The following OTUD7A variants were observed in gnomAD, a reference collection of about 807,000 sequenced individuals.
OTUD7A encodes the protein OTU domain-containing protein 7A.
A neutral mutation model predicts 65.7 loss-of-function variants in OTUD7A; 12 were observed. The ratio of observed to expected loss-of-function variants is 0.18; its 90% CI spans 0.12 to 0.30. OTUD7A has a LOEUF of 0.30. Ranked by LOEUF, OTUD7A falls within the 10% of genes least tolerant of loss-of-function variation. OTUD7A has a pLI of 1.00. For synonymous variants in OTUD7A, 641 were observed against 586.3 expected (o/e 1.09, Z -1.35); for missense variants, 1,148 against 1,304.8 (o/e 0.88, Z 1.85).
At chr15:31,843,987 A>G (rs1361329051) in intron 1 of OTUD7A, among the ~76,000 whole-genome samples, 1 of 152,230 alleles carries the variant, frequency 6.6e-6, no homozygotes, top group African/African-American at 2.4e-5. Context: ...CACACCTTCA[A>G]GTTTTCCAAT....
intron 5 of OTUD7A, among the ~76,000 whole-genome samples, chr15:31,533,015 C>G (rs1407104761): frequency 7.1e-6 from 1 of 141,320 alleles, no homozygotes; most frequent in Admixed American, 7.0e-5. Flanking sequence ...AATGAACAAA[C>G]AAACATACAG....
At chr15:31,682,926 T>C (rs1268477320) in intron 1 of OTUD7A, among the ~76,000 whole-genome samples, 2 of 152,244 alleles carry the variant, frequency 1.3e-5, no homozygotes, top group African/African-American at 4.8e-5. Context: ...TAACTGTGTG[T>C]GACTGTGCGT....
intron 3 of OTUD7A, among the ~76,000 whole-genome samples, chr15:31,627,362 T>C (rs930458485): frequency 1.4e-4 from 21 of 151,572 alleles, no homozygotes; most frequent in African/African-American, 3.4e-4. Flanking sequence ...GTCCTTGAGA[T>C]AGTTTGCTGA....
At chr15:31,603,411 A>T (rs1376360738) in intron 3 of OTUD7A, among the ~76,000 whole-genome samples, 1 of 152,320 alleles carries the variant, frequency 6.6e-6, no homozygotes, top group Non-Finnish European at 1.5e-5. Context: ...CTGAAACTGG[A>T]CCCCTTCCTT....
intron 3 of OTUD7A, among the ~76,000 whole-genome samples, chr15:31,574,245 C>G (rs1224281649): frequency 6.6e-6 from 1 of 151,748 alleles, no homozygotes; most frequent in Non-Finnish European, 1.5e-5. Flanking sequence ...AAAAAATATT[C>G]TAAAATAAAA....
At chr15:31,585,938 T>C (rs556141466) in intron 3 of OTUD7A, among the ~76,000 whole-genome samples, 3 of 152,278 alleles carry the variant, frequency 2.0e-5, no homozygotes, top group African/African-American at 7.2e-5. Context: ...ACAAATGATA[T>C]ATATGTTATG....
Position 31,483,233 on chromosome 15 carries a change from G to T in OTUD7A, c.*61C>A. ...GACCAGGGCATGTAAAAAAGACACCGACACAATGGAAAAGAAATCCTCGAA... is the reference window on the plus strand; with the variant it reads ...GACCAGGGCATGTAAAAAAGACACCTACACAATGGAAAAGAAATCCTCGAA... On this transcript the variant is annotated 3_prime_UTR_variant, in exon 13 of 13. Transcript: ENST00000307050. The T allele has an allele frequency of 9.5e-7, 1 of 1,053,814 alleles. No individual in the cohort carries two copies. Among genetic ancestry groups the T allele is most frequent in the South Asian group, 4.4e-5 (1 of 22,674 alleles). 65.3% of individuals were successfully genotyped at this position (1,053,814 alleles called of 1,614,324 possible).
At chr15:31,832,513 A>G (rs1896958518) in intron 1 of OTUD7A, among the ~76,000 whole-genome samples, 2 of 152,238 alleles carry the variant, frequency 1.3e-5, no homozygotes, top group African/African-American at 4.8e-5. Flanking sequence ...CTTCTAAGGC[A>G]TTAAGTATAT....
At chr15:31,681,387 G>C (rs1244696187) in intron 1 of OTUD7A, among the ~76,000 whole-genome samples, 1 of 151,962 alleles carries the variant, frequency 6.6e-6, no homozygotes, top group African/African-American at 2.4e-5. Flanking sequence ...GTAGGTCTTT[G>C]TGCTATATAT....
intron 1 of OTUD7A, among the ~76,000 whole-genome samples, chr15:31,840,799 A>G (rs146597620): frequency 1.3e-5 from 2 of 152,340 alleles, no homozygotes; most frequent in East Asian, 3.9e-4. Flanking sequence ...AGAGTTTCCT[A>G]AAATAACTTT....
At chr15:31,716,357 CAT>C (rs1326117210) in intron 1 of OTUD7A, among the ~76,000 whole-genome samples, 4 of 102,520 alleles carry the variant, frequency 3.9e-5, no homozygotes, top group African/African-American at 8.3e-5. Flanking sequence ...TATATTATTA[CAT>C]ATGTTATTTC....
intron 8 of OTUD7A, among the ~76,000 whole-genome samples, chr15:31,509,696 CTG>C (rs1258935697): frequency 6.6e-6 from 1 of 151,912 alleles, no homozygotes; most frequent in South Asian, 2.1e-4. Context: ...TGTATATAAA[CTG>C]TATAAACTGT....
intron 8 of OTUD7A, among the ~76,000 whole-genome samples, chr15:31,516,913 G>A (rs183890520): frequency 5.3e-4 from 81 of 152,274 alleles, no homozygotes; most frequent in Admixed American, 1.2e-3. Flanking sequence ...GCTTCCCATT[G>A]TGGCGGTGGA....
At chr15:31,662,903 C>G (rs1892205239) in intron 1 of OTUD7A, among the ~76,000 whole-genome samples, 1 of 152,168 alleles carries the variant, frequency 6.6e-6, no homozygotes, top group Non-Finnish European at 1.5e-5. Flanking sequence ...GTTACTCTTT[C>G]AATTTATCCT....
intron 1 of OTUD7A, among the ~76,000 whole-genome samples, chr15:31,862,432 T>C (rs1030536203): frequency 6.6e-6 from 1 of 152,148 alleles, no homozygotes; most frequent in African/African-American, 2.4e-5. Flanking sequence ...GATAAAGACA[T>C]ACCCGAAACT....
At chr15:31,678,712 T>C (rs887278872) in intron 1 of OTUD7A, among the ~76,000 whole-genome samples, 13 of 152,214 alleles carry the variant, frequency 8.5e-5, no homozygotes, top group African/African-American at 1.4e-4. Context: ...TGGAAATGCT[T>C]GGATGTCCAG....
chr15:31,494,775 C>G (rs1034940276), intron 10 of OTUD7A, among the ~76,000 whole-genome samples: 1 of 152,212 alleles, frequency 6.6e-6, no homozygotes, highest in Non-Finnish European at 1.5e-5. Flanking sequence ...CTCCCCACAT[C>G]CAGGGCAGTG....
intron 1 of OTUD7A, among the ~76,000 whole-genome samples, chr15:31,688,507 G>A (rs1892892332): frequency 6.6e-6 from 1 of 151,770 alleles, no homozygotes; most frequent in Non-Finnish European, 1.5e-5. Flanking sequence ...TTCAGTGAGT[G>A]ATACTTAATT....
intron 12 of OTUD7A, among the ~76,000 whole-genome samples, chr15:31,485,993 T>A (rs1023366657): frequency 6.6e-6 from 1 of 152,032 alleles, no homozygotes; most frequent in Non-Finnish European, 1.5e-5. Context: ...GGGTGGACAC[T>A]CGGGCTGGGC....
Sources: gnomAD v4.1 joint callset for allele counts (sites outside exome capture counted in the v4.1 genomes callset) on GRCh38, gnomAD v4.1.1 for gene constraint, MANE v1.5 for transcripts, NCBI Gene and HGNC (gene_info 2026-07-23, HGNC 2026-07-21) for gene names.